Variants in NTNG1 observed in about 807,000 individuals in gnomAD.
The protein encoded by NTNG1 is netrin-G1.
A neutral mutation model predicts 54.0 loss-of-function variants in NTNG1; 16 were observed. The observed-to-expected ratio is 0.30, with a 90% CI of 0.20 to 0.45. NTNG1 has a LOEUF of 0.45. NTNG1 is among the 20% of genes least tolerant of loss of function. NTNG1 has a pLI of 1.00. For synonymous variants in NTNG1, 255 were observed against 263.1 expected, an observed-to-expected ratio of 0.97 and a Z score of 0.30; for missense variants, 530 against 678.7, an observed-to-expected ratio of 0.78 and a Z score of 2.43.
At chr1:107,269,064 TA>T (rs1159901966) in intron 2 of NTNG1, among the ~76,000 whole-genome samples, 3 of 152,194 alleles carry the variant, frequency 2.0e-5, no homozygotes, top group Non-Finnish European at 2.9e-5. Flanking sequence ...ACTCCTCTGT[TA>T]AAACACTTTC....
chr1:107,187,495 A>G (rs1657555510), intron 2 of NTNG1, among the ~76,000 whole-genome samples: 3 of 152,188 alleles, frequency 2.0e-5, no homozygotes, highest in African/African-American at 7.2e-5. Context: ...TAATGAATAA[A>G]TGAATGAATG....
rs571979096 is a variant in NTNG1, at chr1:107,288,044, G to A, written c.247-36238G>A. Among the ~76,000 whole-genome samples, 6 of 152,148 alleles carry A rather than the reference G, an allele frequency of 3.9e-5. No individual in the cohort carries two copies. In the South Asian group the frequency reaches 8.3e-4, roughly 21 times the overall value. ...CCACAGCATGAAGGACAGAGTGAGTGAAGCCTAAAGGAAGAAAGAATAGAA... is the reference window on the plus strand; with the variant it reads ...CCACAGCATGAAGGACAGAGTGAGTAAAGCCTAAAGGAAGAAAGAATAGAA... On this transcript the variant is annotated intron_variant, in intron 2 of 7. Coordinates refer to ENST00000370068, the MANE Select transcript of NTNG1 (RefSeq NM_001113226.3).
At chr1:107,369,588 G>T (rs766893155) in intron 3 of NTNG1, among the ~76,000 whole-genome samples, 1 of 151,964 alleles carries the variant, frequency 6.6e-6, no homozygotes, top group African/African-American at 2.4e-5. Context: ...TTAAAAATTG[G>T]GCTGATTATT....
At chr1:107,438,431 G>A (rs1460165082) in intron 7 of NTNG1, among the ~76,000 whole-genome samples, 1 of 152,256 alleles carries the variant, frequency 6.6e-6, no homozygotes, top group African/African-American at 2.4e-5. Context: ...TGGGAGAGTT[G>A]GTGGATCCCA....
At chr1:107,410,820 CA>C (rs1043900712) in intron 5 of NTNG1, among the ~76,000 whole-genome samples, 30 of 152,026 alleles carry the variant, frequency 2.0e-4, no homozygotes, top group Non-Finnish European at 4.4e-5. Flanking sequence ...TCCTGAAAAG[CA>C]AATGATTACA....
chr1:107,327,938 A>G (rs1167498504), intron 3 of NTNG1, among the ~76,000 whole-genome samples: 2 of 152,076 alleles, frequency 1.3e-5, no homozygotes, highest in Non-Finnish European at 2.9e-5. Flanking sequence ...TAATGGAAAA[A>G]TAGTGTTTTG....
Position 107,219,093 on chromosome 1 carries a change from G to T in NTNG1, c.246+70254G>T, listed in dbSNP as rs185322683. Among the ~76,000 whole-genome samples, 30 of 149,250 alleles carry T rather than the reference G, an allele frequency of 2.0e-4. No individual in the cohort carries two copies. The East Asian group carries it at 3.2e-3, about 16-fold the overall frequency. On this transcript the variant is annotated intron_variant, in intron 2 of 7. Coordinates refer to ENST00000370068, the MANE Select transcript of NTNG1 (RefSeq NM_001113226.3). ...TTGACATAATCCCAAACTTCTTGGA[G>T]TTTTTGTTCATTGTTTTTAAATTTT...
At chr1:107,409,376 G>T (rs947108730) in intron 5 of NTNG1, 26 of 152,188 alleles carry the variant, frequency 1.7e-4, no homozygotes, top group African/African-American at 5.8e-4. Flanking sequence ...TGGCGTTGGG[G>T]TGTCTTTCTG....
intron 3 of NTNG1, among the ~76,000 whole-genome samples, chr1:107,385,216 G>A (rs577952831): frequency 6.6e-6 from 1 of 152,234 alleles, no homozygotes; most frequent in Admixed American, 6.5e-5. Context: ...TGGGATCGTG[G>A]CCTCTGCTCC....
intron 4 of NTNG1, among the ~76,000 whole-genome samples, chr1:107,398,367 G>C (rs1029131676): frequency 6.6e-6 from 1 of 152,112 alleles, no homozygotes; most frequent in Non-Finnish European, 1.5e-5. Flanking sequence ...AATTAAGTCA[G>C]GGAATGACAA....
chr1:107,259,056 A>G (rs1663122647), intron 2 of NTNG1, among the ~76,000 whole-genome samples: 1 of 152,222 alleles, frequency 6.6e-6, no homozygotes, highest in South Asian at 2.1e-4. Context: ...TTTGATTGAT[A>G]ATAGAGGCAG....
At chr1:107,200,011 G>GT (rs1405634185) in intron 2 of NTNG1, among the ~76,000 whole-genome samples, 3 of 151,750 alleles carry the variant, frequency 2.0e-5, no homozygotes, top group African/African-American at 4.8e-5. Context: ...GAATCATGGG[G>GT]TTTTCTCTCA....
intron 7 of NTNG1, among the ~76,000 whole-genome samples, chr1:107,471,047 T>C (rs536696705): frequency 6.6e-6 from 1 of 152,102 alleles, no homozygotes; most frequent in Non-Finnish European, 1.5e-5. Flanking sequence ...TCTAAATGAG[T>C]GAGGCTCTTT....
intron 2 of NTNG1, among the ~76,000 whole-genome samples, chr1:107,267,035 A>G (rs908132714): frequency 1.3e-5 from 2 of 152,214 alleles, no homozygotes; most frequent in Admixed American, 6.5e-5. Flanking sequence ...TAGTCACAAC[A>G]CATTGTACTA....
intron 5 of NTNG1, 34 bp from the exon 6 acceptor site, chr1:107,430,716 A>G: frequency 6.2e-7 from 1 of 1,609,750 alleles, no homozygotes; most frequent in Non-Finnish European, 8.5e-7. Flanking sequence ...GCTACTGTAT[A>G]CACTCTGTAT....
At chr1:107,226,354 A>G (rs1660683428) in intron 2 of NTNG1, among the ~76,000 whole-genome samples, 1 of 152,124 alleles carries the variant, frequency 6.6e-6, no homozygotes, top group Admixed American at 6.5e-5. Flanking sequence ...CACAGTCAGG[A>G]AGTAAAATGT....
chr1:107,480,575 C>G, intron 7 of NTNG1, 36 bp from the exon 8 acceptor site: 7 of 512,232 alleles, frequency 1.4e-5, no homozygotes, highest in African/African-American at 1.9e-5. Flanking sequence ...CTCCTCCCCG[C>G]GCCCACCCAC....
At chr1:107,258,876 G>T (rs1254108657) in intron 2 of NTNG1, among the ~76,000 whole-genome samples, 2 of 152,080 alleles carry the variant, frequency 1.3e-5, no homozygotes, top group Non-Finnish European at 2.9e-5. Flanking sequence ...TGTTGTTGTT[G>T]CTGTTGTTGT....
chr1:107,149,507 A>G (rs1476486592), intron 2 of NTNG1, among the ~76,000 whole-genome samples: 2 of 152,256 alleles, frequency 1.3e-5, no homozygotes, highest in African/African-American at 2.4e-5. Flanking sequence ...CTGAAAAGCA[A>G]GGACTCAGCA....
Sources: allele counts gnomAD v4.1 joint callset (sites outside exome capture counted in the v4.1 genomes callset), GRCh38; gene constraint gnomAD v4.1.1; transcripts MANE v1.5; gene names NCBI Gene and HGNC (gene_info 2026-07-23, HGNC 2026-07-21).